The following BAAT variants were observed in gnomAD, a reference collection of about 807,000 sequenced individuals.
BAAT encodes bile acid-CoA:amino acid N-acyltransferase.
A neutral mutation model predicts 18.9 loss-of-function variants in BAAT; 13 were observed. The observed-to-expected ratio is 0.69, with a 90% confidence interval of 0.45 to 1.10. BAAT has a LOEUF of 1.10. Ranked by LOEUF, BAAT falls within the 50% of genes least tolerant of loss-of-function variation. The pLI, the probability that BAAT is intolerant of heterozygous loss-of-function variation, is 0.00. For synonymous variants in BAAT, 170 were observed against 190.7 expected (o/e 0.89, Z 0.89); for missense variants, 489 against 504.0 (o/e 0.97, Z 0.28).
In BAAT at chr9:101,368,458, G is replaced by C. The variant is rs1829872994; in HGVS notation, c.467-136C>G. 2.1e-5 allele frequency: 18 copies of C among 837,600 alleles called. No homozygotes were observed. The South Asian group carries it at 3.5e-4, about 16-fold the overall frequency. The allele number at this position is 837,600 out of a possible 1,614,324, so 51.9% of individuals were successfully genotyped here. A position where few individuals can be genotyped will look rare whatever the true frequency, so the allele number is the denominator to read the frequency against. ...AATAAATAAAAGATAATAAAAACAT[G>C]AGAACACAAAGCAGAAATGCAAAAT... On this transcript the variant is annotated intron_variant, in intron 2 of 3. Coordinates refer to ENST00000259407, the MANE Select transcript of BAAT (RefSeq NM_001701.4).
chr9:101,364,709 T>C (rs1829798410), intron 3 of BAAT, among the ~76,000 whole-genome samples: 2 of 152,200 alleles, frequency 1.3e-5, no homozygotes, highest in African/African-American at 4.8e-5. Context: ...AAACACCAAC[T>C]TTATGGTGCA....
intron 2 of BAAT, among the ~76,000 whole-genome samples, chr9:101,369,601 G>A (rs560801644): frequency 4.1e-4 from 63 of 152,284 alleles, no homozygotes; most frequent in Non-Finnish European, 8.2e-4. Flanking sequence ...CAAGATGGAA[G>A]GCCTGTACCA....
intron 3 of BAAT, among the ~76,000 whole-genome samples, chr9:101,367,831 A>C (rs1477538720): frequency 6.6e-6 from 1 of 152,180 alleles, no homozygotes; most frequent in Non-Finnish European, 1.5e-5. Flanking sequence ...ACTTCTCTTA[A>C]CTTCCAAGTA....
chr9:101,373,699 T>C (rs1829996262), intron 1 of BAAT, among the ~76,000 whole-genome samples: 1 of 152,196 alleles, frequency 6.6e-6, no homozygotes, highest in Non-Finnish European at 1.5e-5. Flanking sequence ...CTGTAACTTA[T>C]AGCTGGAACA....
chr9:101,366,999 C>A (rs2119019781), intron 3 of BAAT, among the ~76,000 whole-genome samples: 1 of 151,260 alleles, frequency 6.6e-6, no homozygotes, highest in East Asian at 1.9e-4. Flanking sequence ...ATAGTCCCAG[C>A]TACTCAGGAG....
At chr9:101,366,277 G>C (rs897182279) in intron 3 of BAAT, among the ~76,000 whole-genome samples, 2 of 152,182 alleles carry the variant, frequency 1.3e-5, no homozygotes, top group Non-Finnish European at 2.9e-5. Flanking sequence ...TCATATCTGT[G>C]CAGGCTTTTT....
At chr9:101,367,108 C>CA (rs1310860267) in intron 3 of BAAT, among the ~76,000 whole-genome samples, 50 of 39,320 alleles carry the variant, frequency 1.3e-3, no homozygotes, top group African/African-American at 4.5e-3. Context: ...GAGACTCTGT[C>CA]AAAAAAAGAA....
At chr9:101,365,742 C>T (rs1451896653) in intron 3 of BAAT, among the ~76,000 whole-genome samples, 1 of 152,090 alleles carries the variant, frequency 6.6e-6, no homozygotes, top group Non-Finnish European at 1.5e-5. Flanking sequence ...CCATGTTGGC[C>T]AGGCTGGTCT....
intron 3 of BAAT, among the ~76,000 whole-genome samples, chr9:101,364,443 A>G (rs1829792374): frequency 1.3e-5 from 2 of 152,202 alleles, no homozygotes; most frequent in African/African-American, 4.8e-5. Flanking sequence ...CTGAGTTTCT[A>G]AGCCAAAGTT....
At position 101,361,537 on chromosome 9, in the gene BAAT, A is replaced by G. The variant is rs1054429085; in HGVS notation, c.*891T>C. The G allele has an allele frequency of 6.6e-6, 1 of 152,622 alleles. No individual in the cohort carries two copies. Among genetic ancestry groups the G allele is most frequent in the African/African-American group, 2.4e-5 (1 of 41,442 alleles). The allele number at this position is 152,622 out of a possible 1,614,324, so 9.5% of individuals were successfully genotyped here. A position where few individuals can be genotyped will look rare whatever the true frequency, so the allele number is the denominator to read the frequency against. The stretch of plus-strand genomic sequence containing the variant: ...ACAGTAACTATTGGGTCTTACGGAA[A>G]TATAGTACCTGTCCTTATAGAGCTC... On this transcript the variant is annotated 3_prime_UTR_variant, in exon 4 of 4. Coordinates refer to ENST00000259407, the MANE Select transcript of BAAT (RefSeq NM_001701.4).
intron 3 of BAAT, among the ~76,000 whole-genome samples, chr9:101,366,818 A>C (rs554502146): frequency 1.5e-4 from 23 of 152,196 alleles, no homozygotes; most frequent in African/African-American, 4.1e-4. Flanking sequence ...TATATAAAAA[A>C]ACATGTAGTA....
At position 101,361,388 on chromosome 9, in the gene BAAT, A is replaced by G. The variant is rs1206418877; in HGVS notation, c.*1040T>C. 6.6e-6 allele frequency: 1 copy of G among 152,656 alleles called. No homozygotes were observed. Among genetic ancestry groups the G allele is most frequent in the Non-Finnish European group, 1.5e-5 (1 of 68,056 alleles). 9.5% of individuals were successfully genotyped at this position (152,656 alleles called of 1,614,324 possible). A position where few individuals can be genotyped will look rare whatever the true frequency, so the allele number is the denominator to read the frequency against. ...GAGGACTATATGATCAAAGCCTTAT[A>G]GCAAAAAAAATTTTTTAATATTTGC... On this transcript the variant is annotated 3_prime_UTR_variant, in exon 4 of 4. Coordinates refer to ENST00000259407, the MANE Select transcript of BAAT (RefSeq NM_001701.4).
intron 1 of BAAT, chr9:101,375,988 C>G (rs1002604840): frequency 2.0e-5 from 3 of 152,642 alleles, no homozygotes; most frequent in Non-Finnish European, 4.4e-5. Flanking sequence ...GTTCTCTTTC[C>G]GACTACGTTA....
At chr9:101,372,103 T>C (rs535797923) in intron 1 of BAAT, among the ~76,000 whole-genome samples, 2 of 152,048 alleles carry the variant, frequency 1.3e-5, no homozygotes, top group East Asian at 1.9e-4. Flanking sequence ...GAGCTAAACA[T>C]TGGGTACACA....
rs1419255104 is a variant in BAAT at position 101,362,834 on chromosome 9, A to C, written c.851T>G (p.Leu284Ter). 5.0e-6 allele frequency: 8 copies of C among 1,614,046 alleles called. No homozygotes were observed. In the Admixed American group the frequency reaches 1.3e-4, roughly 27 times the overall value. ...IHQPLPHSAQ[L>*]ISTNALGLLE... ...TAACCCCAAGGCATTGGTGGATATTAATTGTGCAGAATGGGGAAGGGGCTG... is the reference window on the plus strand; with the variant it reads ...TAACCCCAAGGCATTGGTGGATATTCATTGTGCAGAATGGGGAAGGGGCTG... The change falls in exon 4 of 4, where the codon TTA becomes TGA. Residue 284 changes from leucine (L) to a stop codon, truncating the protein, a stop_gained. Transcript: ENST00000259407. LOFTEE classifies it low-confidence loss of function (END_TRUNC).
intron 2 of BAAT, 121 bp downstream of exon 2, chr9:101,370,818 G>T: frequency 8.4e-7 from 1 of 1,185,158 alleles, no homozygotes; most frequent in Non-Finnish European, 1.2e-6. Flanking sequence ...ATTTAAGGTG[G>T]AAAAACAATA....
In BAAT at chr9:101,362,424, CT is replaced by C; in HGVS notation, c.*3del. On this transcript the variant is annotated 3_prime_UTR_variant, in exon 4 of 4. Coordinates refer to ENST00000259407, the MANE Select transcript of BAAT (RefSeq NM_001701.4). ...TCTTTATTTTCTAGGAATATCTAGT[CT>C]TCTTAGAGTTGACTGGTCACATCTG... 1 of 1,612,912 alleles carries C rather than the reference CT, an allele frequency of 6.2e-7. No homozygotes were observed. The highest frequency in any genetic ancestry group is 8.5e-7 in the Non-Finnish European group (1 of 1,179,036).
rs1451341957 is a variant in BAAT at position 101,361,438 on chromosome 9, T to C, written c.*990A>G. 6.6e-6 allele frequency: 1 copy of C among 152,634 alleles called. No individual in the cohort carries two copies. The highest frequency in any genetic ancestry group is 2.4e-5 in the African/African-American group (1 of 41,462). 9.5% of individuals were successfully genotyped at this position (152,634 alleles called of 1,614,324 possible). A position where few individuals can be genotyped will look rare whatever the true frequency, so the allele number is the denominator to read the frequency against. On this transcript the variant is annotated 3_prime_UTR_variant, in exon 4 of 4. Transcript: ENST00000259407. ...CAAAGGACTGTACAGCAAACAACCATGTGGTTGAATTACATGCAGTCCTCA... is the reference window on the plus strand; with the variant it reads ...CAAAGGACTGTACAGCAAACAACCACGTGGTTGAATTACATGCAGTCCTCA...
intron 1 of BAAT, among the ~76,000 whole-genome samples, chr9:101,377,782 G>C (rs1047721191): frequency 6.6e-5 from 10 of 152,038 alleles, no homozygotes; most frequent in Admixed American, 2.6e-4. Context: ...AAGAAATAAG[G>C]GGTATTCAAA....
Sources: allele counts gnomAD v4.1 joint callset (sites outside exome capture counted in the v4.1 genomes callset), GRCh38; gene constraint gnomAD v4.1.1; transcripts MANE v1.5; gene names NCBI Gene and HGNC (gene_info 2026-07-23, HGNC 2026-07-21).